The following CEACAM20 variants were observed in gnomAD, a reference collection of about 807,000 sequenced individuals.
The protein encoded by CEACAM20 is cell adhesion molecule CEACAM20.
Under a neutral mutation model 61.2 loss-of-function variants are expected in CEACAM20, and 50 were observed. That is an observed-to-expected ratio of 0.82 (90% confidence interval 0.65 to 1.03). The LOEUF is 1.03. Ranked by LOEUF, CEACAM20 falls within the 50% of genes least tolerant of loss-of-function variation. The pLI is 0.00. For missense variants in CEACAM20, 683 were observed against 736.4 expected (o/e 0.93, Z 0.84); for synonymous variants, 282 against 287.7 (o/e 0.98, Z 0.20).
chr19:44,515,598 A>G (rs1971132019), intron 6 of CEACAM20, among the ~76,000 whole-genome samples: 1 of 152,204 alleles, frequency 6.6e-6, no homozygotes, highest in African/African-American at 2.4e-5. Context: ...GCTGACAGAG[A>G]GTACCCAAGA....
At chr19:44,510,865 C>A in intron 11 of CEACAM20, 165 bp downstream of exon 11, 1 of 765,094 alleles carries the variant, frequency 1.3e-6, no homozygotes. Flanking sequence ...TGAAGTAAAA[C>A]CAACTAGAAA....
At chr19:44,523,286 G>A (rs1475106295) in intron 3 of CEACAM20, among the ~76,000 whole-genome samples, 1 of 152,018 alleles carries the variant, frequency 6.6e-6, no homozygotes, top group Non-Finnish European at 1.5e-5. Flanking sequence ...GCTCATGCCT[G>A]TAGTCCCAGC....
chr19:44,508,778 G>GTC (rs1970889338), intron 11 of CEACAM20, among the ~76,000 whole-genome samples: 1 of 152,122 alleles, frequency 6.6e-6, no homozygotes, highest in Non-Finnish European at 1.5e-5. Flanking sequence ...GAGATATAGT[G>GTC]GCAGATATCA....
At chr19:44,511,947 A>C (rs1971012552) in intron 9 of CEACAM20, 70 bp downstream of exon 9, 1 of 1,414,212 alleles carries the variant, frequency 7.1e-7, no homozygotes, top group Non-Finnish European at 9.8e-7. Flanking sequence ...GCCAGCCCCC[A>C]CCCTAAGAAG....
intron 7 of CEACAM20, 37 bp downstream of exon 7, chr19:44,513,135 C>T (rs1397463881): frequency 1.3e-6 from 2 of 1,520,246 alleles, no homozygotes; most frequent in African/African-American, 1.4e-5. Flanking sequence ...CTGGCCACAT[C>T]CCCATCCCCA....
chr19:44,529,472 C>T lies in CEACAM20; in HGVS notation c.38G>A (p.Gly13Glu). The change falls in exon 1 of 12, where the codon GGA becomes GAA. Residue 13 changes from glycine (G) to glutamate (E), a missense_variant. By Grantham distance (98) the Gly-to-Glu change is moderately conservative. Coordinates refer to ENST00000614924, the MANE Select transcript of CEACAM20 (RefSeq NM_001102597.3). ...PADSWGHHWMGILLSASLCTV... is the reference protein window; with the variant it reads ...PADSWGHHWMEILLSASLCTV... ...AGGGCACTCACCTGAAAGCAGGATTCCCATCCAGTGGTGTCCCCATGAGTC... is the reference window on the plus strand; with the variant it reads ...AGGGCACTCACCTGAAAGCAGGATTTCCATCCAGTGGTGTCCCCATGAGTC... The T allele has an allele frequency of 6.2e-7, 1 of 1,613,722 alleles. No individual in the cohort carries two copies. Among genetic ancestry groups the T allele is most frequent in the Non-Finnish European group, 8.5e-7 (1 of 1,179,820 alleles).
chr19:44,510,596 GAAAGAAAGAAA>G, intron 11 of CEACAM20, among the ~76,000 whole-genome samples: 1 of 62,816 alleles, frequency 1.6e-5, no homozygotes, highest in African/African-American at 7.4e-5. Flanking sequence ...AAGAAAGAAA[GAAAGAAAGAAA>G]GAAAAAGGAA....
rs148718634 is a variant in CEACAM20 at position 44,516,434 on chromosome 19, T to C, written c.1309+512A>G. ...GGAGATAATTGAATCATGGGGGTGGTTTCCCCCATACTGTTCTCATGGTAG... is the reference window on the plus strand; with the variant it reads ...GGAGATAATTGAATCATGGGGGTGGCTTCCCCCATACTGTTCTCATGGTAG... On this transcript the variant is annotated intron_variant, in intron 6 of 11. Transcript: ENST00000614924. Among the ~76,000 whole-genome samples, 633 of 152,222 alleles carry C rather than the reference T, an allele frequency of 4.2e-3. 11 individuals carry two copies. The highest frequency in any genetic ancestry group is 0.014 in the African/African-American group (602 of 41,546).
rs187368276 is a variant in CEACAM20, at chr19:44,512,057, C to T, written c.1535G>A (p.Arg512His). 4 of 1,609,738 alleles carry T rather than the reference C, an allele frequency of 2.5e-6. No individual in the cohort carries two copies. The highest frequency in any genetic ancestry group is 3.4e-6 in the Non-Finnish European group (4 of 1,178,092). The change falls in exon 9 of 12, where the codon CGC becomes CAC. Residue 512 changes from arginine to histidine, a missense_variant. Transcript: ENST00000614924. The stretch of plus-strand genomic sequence containing the variant: ...CCGTCCCTGAAGCTGGGATATATTG[C>T]GATACTCAGGACTCAGGCTTTCTAG... Reference protein sequence around the residue: ...PSSESLSPEYRNISQLQGRIR... With the variant: ...PSSESLSPEYHNISQLQGRIR...
Position 44,522,562 on chromosome 19 carries a change from T to C in CEACAM20, c.751+72A>G. On this transcript the variant is annotated intron_variant, in intron 4 of 11. Transcript: ENST00000614924. ...CCAAAGGCCCTGGATTAAGAACTCC[T>C]GGTTCCTTCTGACATGGCCAGCATC... 4.0e-6 allele frequency: 6 copies of C among 1,515,888 alleles called. No individual in the cohort carries two copies. The South Asian group carries it at 7.6e-5, about 19-fold the overall frequency. 93.9% of individuals were successfully genotyped at this position (1,515,888 alleles called of 1,614,324 possible).
intron 1 of CEACAM20, among the ~76,000 whole-genome samples, chr19:44,526,502 TAAA>T (rs1215739785): frequency 7.2e-6 from 1 of 139,272 alleles, no homozygotes; most frequent in East Asian, 2.2e-4. Context: ...AATCCTGTCT[TAAA>T]AAAAAAAATA....
In CEACAM20 at chr19:44,511,060, A is replaced by C; in HGVS notation, c.1707T>G (p.Thr569=). The change falls in exon 11 of 12, where the codon ACT becomes ACG. Residue 569 remains threonine, a synonymous_variant. Transcript: ENST00000614924. ...AGATTGACTCCATGTTTTTTGGCAC[A>C]GTGGAGACCAATCTGAGTGGGGGCA... The part of the protein sequence containing the change: ...PLMPPLRLVS[T]VPKNMESIYE... 1.2e-6 allele frequency: 2 copies of C among 1,613,912 alleles called. No homozygotes were observed. The highest frequency in any genetic ancestry group is 1.7e-6 in the Non-Finnish European group (2 of 1,179,846).
Position 44,520,472 on chromosome 19 carries a change from A to G in CEACAM20, c.1030+2T>C, listed in dbSNP as rs1971320061. ...GGAAGGTCCAGGCCCTGGGTGACTC[A>G]CAGTTGATGGTCAGCTCAAGGGGCT... On this transcript the variant is annotated splice_donor_variant, in intron 5 of 11. Transcript: ENST00000614924. LOFTEE classifies it high-confidence loss of function. The G allele has an allele frequency of 6.2e-6, 10 of 1,610,816 alleles. No individual in the cohort carries two copies. Among genetic ancestry groups the G allele is most frequent in the Non-Finnish European group, 8.5e-6 (10 of 1,178,302 alleles).
intron 1 of CEACAM20, among the ~76,000 whole-genome samples, chr19:44,528,147 T>C (rs1971584430): frequency 9.8e-6 from 1 of 102,218 alleles, no homozygotes; most frequent in Admixed American, 1.0e-4. Flanking sequence ...TTTCTTTCTT[T>C]TCTTTCTTTC....
intron 2 of CEACAM20, among the ~76,000 whole-genome samples, chr19:44,524,720 C>T (rs1451443977): frequency 3.9e-5 from 6 of 152,100 alleles, no homozygotes; most frequent in East Asian, 3.9e-4. Flanking sequence ...GCTGGGACTA[C>T]AGGCGTGCAC....
chr19:44,520,898 G>A, intron 4 of CEACAM20, 146 bp from the exon 5 acceptor site: 1 of 780,300 alleles, frequency 1.3e-6, no homozygotes, highest in Admixed American at 2.5e-5. Flanking sequence ...TTTGCATAAT[G>A]CTGGTGTGCG....
intron 11 of CEACAM20, among the ~76,000 whole-genome samples, chr19:44,508,668 G>T (rs1386511569): frequency 6.6e-6 from 1 of 152,180 alleles, no homozygotes; most frequent in African/African-American, 2.4e-5. Flanking sequence ...GGGATTACAG[G>T]CGTGAGCCAC....
Position 44,513,019 on chromosome 19 carries a change from A to G in CEACAM20, c.1428-66T>C, listed in dbSNP as rs1231423800. On this transcript the variant is annotated intron_variant, in intron 7 of 11. Transcript: ENST00000614924. ...TTGCCCATCTCCACAGGTTCTGCCCATATCCCATGTCCATTCTTGAACAAT... is the reference window on the plus strand; with the variant it reads ...TTGCCCATCTCCACAGGTTCTGCCCGTATCCCATGTCCATTCTTGAACAAT... 44 of 1,412,228 alleles carry G rather than the reference A, an allele frequency of 3.1e-5. No homozygotes were observed. In the Admixed American group the frequency reaches 8.4e-4, roughly 27 times the overall value. 87.5% of individuals were successfully genotyped at this position (1,412,228 alleles called of 1,614,324 possible).
At position 44,522,786 on chromosome 19, in the gene CEACAM20, G is replaced by A. The variant is rs1971406282; in HGVS notation, c.599C>T (p.Thr200Ile). 4 of 1,613,760 alleles carry A rather than the reference G, an allele frequency of 2.5e-6. No homozygotes were observed. The East Asian group carries it at 8.9e-5, about 36-fold the overall frequency. Residue 200 changes from threonine (T) to isoleucine (I), a missense_variant, in exon 4 of 12, where the codon ACT becomes ATT. Physicochemically the swap from Thr to Ile is moderately conservative, Grantham distance 89. Transcript: ENST00000614924. ...ETKSHPPCAY[T>I]WFLLDSILSH... ...CAGAATGGAGTCAAGGAGAAACCAAGTATAGGCACAGGGTGGGTGAGACTT... is the reference window on the plus strand; with the variant it reads ...CAGAATGGAGTCAAGGAGAAACCAAATATAGGCACAGGGTGGGTGAGACTT...
Sources: allele counts gnomAD v4.1 joint callset (sites outside exome capture counted in the v4.1 genomes callset), GRCh38; gene constraint gnomAD v4.1.1; transcripts MANE v1.5; gene names NCBI Gene and HGNC (gene_info 2026-07-23, HGNC 2026-07-21).